The following KATNIP variants were observed in gnomAD, a reference collection of about 807,000 sequenced individuals.
KATNIP encodes the protein katanin-interacting protein.
KATNIP carries 126 observed loss-of-function variants against 174.0 expected under a neutral mutation model. That is an observed-to-expected ratio of 0.72 (90% CI 0.63 to 0.84). The LOEUF (loss-of-function observed/expected upper bound fraction) is 0.84, where lower values mean the gene tolerates loss of function less well. Among genes scored for constraint, KATNIP ranks in the 40% least tolerant of loss-of-function variants. The pLI is 0.00. For missense variants in KATNIP, 1,958 were observed against 2,109.7 expected (o/e 0.93, Z 1.41); for synonymous variants, 810 against 835.7 (o/e 0.97, Z 0.53).
rs373012063 is a variant in KATNIP at position 27,703,953 on chromosome 16, C to T, written c.1344C>T (p.Leu448=). 11 of 1,614,102 alleles carry T rather than the reference C, an allele frequency of 6.8e-6. No individual in the cohort carries two copies. Among genetic ancestry groups the T allele is most frequent in the African/African-American group, 2.7e-5 (2 of 74,942 alleles). Residue 448 remains leucine (L), a synonymous_variant, in exon 12 of 28, where the codon CTC becomes CTT. Transcript: ENST00000261588. ...LQAVESDSAH[L]GRVVSPTKEQ... Reference sequence around the variant, plus strand: ...CCGTCGAAAGTGACTCTGCCCATCTCGGCAGGGTGGTTTCACCAACCAAGG... The same window carrying T: ...CCGTCGAAAGTGACTCTGCCCATCTTGGCAGGGTGGTTTCACCAACCAAGG...
chr16:27,583,885 G>A (rs2090788777), intron 2 of KATNIP, among the ~76,000 whole-genome samples: 1 of 152,172 alleles, frequency 6.6e-6, no homozygotes, highest in African/African-American at 2.4e-5. Flanking sequence ...TTGGTGGCAG[G>A]TCTGCTCTCT....
chr16:27,694,375 C>T (rs2078843074), intron 8 of KATNIP, among the ~76,000 whole-genome samples: 1 of 152,104 alleles, frequency 6.6e-6, no homozygotes, highest in East Asian at 1.9e-4. Context: ...AAGCCTTGTA[C>T]CAGGTCACAA....
Position 27,594,933 on chromosome 16 carries a change from A to G in KATNIP, c.63+20977A>G, listed in dbSNP as rs143788904. ...TCAGCACAGAGCAATCAGTTTATGAACTCTGAAACAATGGGGAAAAAAGAG... is the reference window on the plus strand; with the variant it reads ...TCAGCACAGAGCAATCAGTTTATGAGCTCTGAAACAATGGGGAAAAAAGAG... On this transcript the variant is annotated intron_variant, in intron 2 of 27. Coordinates refer to ENST00000261588, the MANE Select transcript of KATNIP (RefSeq NM_015202.5). Among the ~76,000 whole-genome samples the G allele has an allele frequency of 3.3e-4, 51 of 152,306 alleles. No individual in the cohort carries two copies. The East Asian group carries it at 9.6e-3, about 29-fold the overall frequency.
intron 9 of KATNIP, 171 bp from the exon 10 acceptor site, chr16:27,699,363 T>A: frequency 1.2e-6 from 1 of 804,640 alleles, no homozygotes; most frequent in Non-Finnish European, 1.5e-6. Flanking sequence ...GGGGCATCCA[T>A]CGAGCAGCAA....
At chr16:27,674,602 G>A (rs984498800) in intron 6 of KATNIP, among the ~76,000 whole-genome samples, 2 of 152,126 alleles carry the variant, frequency 1.3e-5, no homozygotes, top group African/African-American at 2.4e-5. Context: ...TCATAAGGAC[G>A]CCTATGATTA....
intron 5 of KATNIP, among the ~76,000 whole-genome samples, chr16:27,633,986 TC>T (rs2076565817): frequency 6.6e-6 from 1 of 152,180 alleles, no homozygotes; most frequent in African/African-American, 2.4e-5. Context: ...CCTCCTTTTG[TC>T]CCCTGCAATG....
At chr16:27,678,080 A>G in intron 7 of KATNIP, 84 bp downstream of exon 7, 8 of 1,490,198 alleles carry the variant, frequency 5.4e-6, no homozygotes, top group Non-Finnish European at 7.4e-6. Context: ...TGGTCCTTTG[A>G]GTTCCTCTTT....
chr16:27,593,395 C>T (rs929930317), intron 2 of KATNIP, among the ~76,000 whole-genome samples: 9 of 152,072 alleles, frequency 5.9e-5, no homozygotes, highest in Admixed American at 1.3e-4. Context: ...TGCACCACCA[C>T]GCCCAACTAA....
intron 8 of KATNIP, among the ~76,000 whole-genome samples, chr16:27,695,339 C>A (rs531462996): frequency 6.6e-6 from 1 of 152,344 alleles, no homozygotes; most frequent in South Asian, 2.1e-4. Context: ...ACCTGCGCTC[C>A]CCCAATCCCT....
intron 6 of KATNIP, among the ~76,000 whole-genome samples, chr16:27,671,329 G>A (rs565750242): frequency 1.8e-4 from 28 of 152,010 alleles, no homozygotes; most frequent in Non-Finnish European, 1.9e-4. Flanking sequence ...TTTTCAACAC[G>A]CTTCTTTTTA....
intron 20 of KATNIP, among the ~76,000 whole-genome samples, chr16:27,767,999 G>A (rs1427802594): frequency 6.6e-6 from 1 of 152,130 alleles, no homozygotes; most frequent in East Asian, 1.9e-4. Context: ...TCTGTGACCT[G>A]AATTCACCAT....
chr16:27,760,021 G>A (rs2081892212), intron 18 of KATNIP, among the ~76,000 whole-genome samples: 1 of 152,196 alleles, frequency 6.6e-6, no homozygotes, highest in South Asian at 2.1e-4. Context: ...GTTACAAAAA[G>A]TATGTTGGGA....
chr16:27,692,361 C>T (rs998896917), intron 8 of KATNIP, among the ~76,000 whole-genome samples: 3 of 152,274 alleles, frequency 2.0e-5, no homozygotes, highest in African/African-American at 4.8e-5. Flanking sequence ...CTTAGATTTA[C>T]AAGGTTTGGG....
chr16:27,707,487 G>A (rs1377414380), intron 12 of KATNIP, among the ~76,000 whole-genome samples: 2 of 152,212 alleles, frequency 1.3e-5, no homozygotes, highest in Non-Finnish European at 2.9e-5. Flanking sequence ...TCATGATAGG[G>A]CCTTCTTAGG....
intron 3 of KATNIP, among the ~76,000 whole-genome samples, chr16:27,619,696 A>G (rs1021560097): frequency 4.6e-5 from 7 of 152,150 alleles, no homozygotes; most frequent in Non-Finnish European, 7.4e-5. Flanking sequence ...AATTCCATCT[A>G]TGACAGCACC....
At chr16:27,646,738 G>A (rs2076969384) in intron 5 of KATNIP, among the ~76,000 whole-genome samples, 1 of 152,146 alleles carries the variant, frequency 6.6e-6, no homozygotes, top group African/African-American at 2.4e-5. Context: ...GGCTGCTCCA[G>A]CAGGGAGACA....
chr16:27,740,007 T>C (rs751804803), intron 14 of KATNIP, 34 bp from the exon 15 acceptor site: 2 of 1,580,374 alleles, frequency 1.3e-6, no homozygotes, highest in Non-Finnish European at 1.7e-6. Flanking sequence ...TCTGATGCTA[T>C]GCATCTTCAC....
At chr16:27,753,665 C>T (rs1186183360) in intron 17 of KATNIP, among the ~76,000 whole-genome samples, 2 of 152,180 alleles carry the variant, frequency 1.3e-5, no homozygotes, top group Non-Finnish European at 1.5e-5. Flanking sequence ...CTTCAGTGAA[C>T]AGCCAAAGTT....
chr16:27,609,927 G>A (rs1369568991), intron 2 of KATNIP, among the ~76,000 whole-genome samples: 1 of 152,150 alleles, frequency 6.6e-6, no homozygotes. Context: ...AAGGAGGAAA[G>A]GAATGTGGGC....
Sources: gnomAD v4.1 joint callset for allele counts (sites outside exome capture counted in the v4.1 genomes callset) on GRCh38, gnomAD v4.1.1 for gene constraint, MANE v1.5 for transcripts, NCBI Gene and HGNC (gene_info 2026-07-23, HGNC 2026-07-21) for gene names.